The following COG5 variants were observed in gnomAD, a reference collection of about 807,000 sequenced individuals.
COG5 encodes component of oligomeric golgi complex 5.
In COG5, 86 loss-of-function variants were observed where a neutral mutation model predicts 110.4. The observed-to-expected ratio is 0.78, with a 90% confidence interval of 0.65 to 0.93. The LOEUF (loss-of-function observed/expected upper bound fraction) is 0.93. Among genes scored for constraint, COG5 ranks in the 40% least tolerant of loss-of-function variants. The pLI, the probability that COG5 is intolerant of heterozygous loss-of-function variation, is 0.00. For synonymous variants in COG5, 360 were observed against 334.6 expected (o/e 1.08, Z -0.83); for missense variants, 1,077 against 987.0 (o/e 1.09, Z -1.22).
chr7:107,205,335 C>T (rs1414506830), intron 21 of COG5, among the ~76,000 whole-genome samples: 1 of 152,144 alleles, frequency 6.6e-6, no homozygotes, highest in Non-Finnish European at 1.5e-5. Context: ...CCAGCTTCAT[C>T]ATCAAGCTGC....
intron 3 of COG5, among the ~76,000 whole-genome samples, chr7:107,549,535 G>T (rs926913389): frequency 2.0e-5 from 3 of 151,354 alleles, no homozygotes; most frequent in Non-Finnish European, 4.4e-5. Context: ...GGGATTACAG[G>T]CGCCCACCAC....
Position 107,548,211 on chromosome 7 carries a change from T to C in COG5, c.348-31A>G, listed in dbSNP as rs768781507. ...GGAAAAGAGAGGAGTGAGAATAAAA[T>C]CATTTTCAGAATATCAATGGATAAA... On this transcript the variant is annotated intron_variant, in intron 4 of 21. Transcript: ENST00000297135. The C allele has an allele frequency of 1.9e-6, 3 of 1,608,610 alleles. 1 individual carries two copies. The Admixed American group carries it at 5.0e-5, about 27-fold the overall frequency.
intron 11 of COG5, 49 bp downstream of exon 11, chr7:107,324,391 A>G (rs1484567199): frequency 8.3e-7 from 1 of 1,207,300 alleles, no homozygotes; most frequent in Admixed American, 1.8e-5. Flanking sequence ...CAAATGATAA[A>G]ATAACTTAAA....
At chr7:107,435,561 G>A (rs193255266) in intron 6 of COG5, among the ~76,000 whole-genome samples, 138 of 152,122 alleles carry the variant, frequency 9.1e-4, no homozygotes, top group East Asian at 1.4e-3. Flanking sequence ...GCTGAGGCAC[G>A]AGAATTGCTT....
chr7:107,324,446 T>C lies in COG5; in HGVS notation c.1102A>G (p.Thr368Ala). The part of the protein sequence containing the change: ...QALSSQFHMA[T>A]NSSMFLKQAF... ...AAATAAGTAGTAAACTTACAGTTTG[T>C]TGCCATATGAAATTGAGAAGAAAGT... is the stretch of plus-strand genomic sequence containing the variant. Residue 368 changes from threonine (T) to alanine (A), a missense_variant, in exon 11 of 22, where the codon ACA (threonine) becomes GCA (alanine). Physicochemically the swap from Thr to Ala is moderately conservative, Grantham distance 58. Transcript: ENST00000297135. The C allele has an allele frequency of 6.3e-7, 1 of 1,575,868 alleles. No individual in the cohort carries two copies. The highest frequency in any genetic ancestry group is 1.1e-5 in the South Asian group (1 of 86,984).
intron 1 of COG5, 194 bp downstream of exon 1, chr7:107,563,609 A>G: frequency 1.5e-6 from 1 of 667,152 alleles, no homozygotes; most frequent in South Asian, 1.6e-5. Flanking sequence ...AAGACTCCAG[A>G]AAAGAGGGAG....
At chr7:107,510,930 C>A (rs564368569) in intron 6 of COG5, among the ~76,000 whole-genome samples, 1 of 152,132 alleles carries the variant, frequency 6.6e-6, no homozygotes, top group Admixed American at 6.5e-5. Context: ...TAAATGCCCA[C>A]AAGAGAAAGC....
chr7:107,299,873 A>AATATATAT (rs145472519), intron 11 of COG5, among the ~76,000 whole-genome samples: 16,961 of 124,346 alleles, frequency 0.14, 1,518 homozygotes, highest in Non-Finnish European at 0.2. Flanking sequence ...AATTATCTGG[A>AATATATAT]ATATATATAT....
At chr7:107,416,770 G>A (rs1266791897) in intron 6 of COG5, among the ~76,000 whole-genome samples, 1 of 152,162 alleles carries the variant, frequency 6.6e-6, no homozygotes. Context: ...ATGTCTGTAT[G>A]AGATTAACAG....
chr7:107,360,447 C>T (rs1409258772), intron 10 of COG5, among the ~76,000 whole-genome samples: 3 of 152,200 alleles, frequency 2.0e-5, no homozygotes, highest in Non-Finnish European at 2.9e-5. Context: ...GCCTCCACTG[C>T]TCACCACATT....
chr7:107,458,604 C>G (rs1242412015), intron 6 of COG5, among the ~76,000 whole-genome samples: 1 of 152,078 alleles, frequency 6.6e-6, no homozygotes, highest in East Asian at 1.9e-4. Context: ...TGTGTAATCC[C>G]AACACATTGG....
chr7:107,546,441 T>G (rs999306533), intron 5 of COG5, among the ~76,000 whole-genome samples: 27 of 146,938 alleles, frequency 1.8e-4, no homozygotes, highest in South Asian at 6.5e-4. Context: ...TTTTGTTTTT[T>G]TTTTTTTTTT....
chr7:107,404,461 T>C lies in COG5; in HGVS notation c.669+8041A>G, dbSNP rs1407817366. On this transcript the variant is annotated intron_variant, in intron 7 of 21. Transcript: ENST00000297135. ...TACATTTATTTTAATCTCTGATACA[T>C]GCGAGAATATAATTTGAGGATAAAA... 2.0e-5 allele frequency among the ~76,000 whole-genome samples: 3 copies of C among 152,216 alleles called. No homozygotes were observed. The East Asian group carries it at 5.8e-4, about 29-fold the overall frequency.
intron 16 of COG5, among the ~76,000 whole-genome samples, chr7:107,251,825 TAAAC>T (rs1197328454): frequency 6.6e-6 from 1 of 151,758 alleles, no homozygotes; most frequent in Non-Finnish European, 1.5e-5. Context: ...AATCCAAAGA[TAAAC>T]AGAAAGTATT....
intron 21 of COG5, chr7:107,208,727 GA>G: frequency 2.0e-6 from 2 of 985,436 alleles, no homozygotes; most frequent in Non-Finnish European, 2.4e-6. Flanking sequence ...CAAGGAAAAA[GA>G]GCAGGGTCCG....
intron 6 of COG5, among the ~76,000 whole-genome samples, chr7:107,495,920 A>T (rs985855483): frequency 8.0e-5 from 12 of 149,476 alleles, no homozygotes; most frequent in East Asian, 2.0e-4. Context: ...TATTTCATTT[A>T]TTTTTTATTT....
At chr7:107,277,360 C>A (rs934011633) in intron 14 of COG5, among the ~76,000 whole-genome samples, 1 of 152,038 alleles carries the variant, frequency 6.6e-6, no homozygotes, top group Non-Finnish European at 1.5e-5. Context: ...CCAGTAAAGC[C>A]CCTTACTCAT....
intron 7 of COG5, among the ~76,000 whole-genome samples, chr7:107,375,599 C>T (rs528959808): frequency 6.6e-6 from 1 of 152,108 alleles, no homozygotes; most frequent in East Asian, 1.9e-4. Context: ...GACTAAAAAA[C>T]TGAATACTTC....
chr7:107,431,638 T>G (rs1031487700), intron 6 of COG5, among the ~76,000 whole-genome samples: 2 of 152,158 alleles, frequency 1.3e-5, no homozygotes, highest in Admixed American at 1.3e-4. Context: ...CACATTGATT[T>G]TCTTTTTAAT....
Sources: allele counts gnomAD v4.1 joint callset (sites outside exome capture counted in the v4.1 genomes callset), GRCh38; gene constraint gnomAD v4.1.1; transcripts MANE v1.5; gene names NCBI Gene and HGNC (gene_info 2026-07-23, HGNC 2026-07-21).